The following CC2D2A variants were observed in gnomAD, a reference collection of about 807,000 sequenced individuals.
The protein encoded by CC2D2A is coiled-coil and C2 domain containing 2A.
In CC2D2A, 155 loss-of-function variants were observed where a neutral mutation model predicts 212.9. The ratio of observed to expected loss-of-function variants is 0.73; its 90% CI spans 0.64 to 0.83. The LOEUF (loss-of-function observed/expected upper bound fraction) is 0.83. Among genes scored for constraint, CC2D2A ranks in the 40% least tolerant of loss-of-function variants. The pLI is 0.00. For missense variants in CC2D2A, 1,856 were observed against 1,956.2 expected (o/e 0.95, Z 0.97); for synonymous variants, 667 against 686.5 (o/e 0.97, Z 0.44).
chr4:15,584,350 A>C (rs1174969340), intron 30 of CC2D2A, among the ~76,000 whole-genome samples: 1 of 152,206 alleles, frequency 6.6e-6, no homozygotes, highest in South Asian at 2.1e-4. Flanking sequence ...AAGTCCATGC[A>C]TTTACAGCCA....
intron 11 of CC2D2A, among the ~76,000 whole-genome samples, chr4:15,521,310 T>A (rs996634224): frequency 4.6e-5 from 7 of 152,224 alleles, no homozygotes; most frequent in Non-Finnish European, 1.0e-4. Context: ...CAGTCTTTTT[T>A]AAAAATGTAA....
rs1019787864 is a variant in CC2D2A at position 15,601,503 on chromosome 4, T to A, written c.*78T>A. ...AAAATTTTAAATTATATGCATCACATCAGAAGAACATATTATTGGCAAATA... is the reference window on the plus strand; with the variant it reads ...AAAATTTTAAATTATATGCATCACAACAGAAGAACATATTATTGGCAAATA... On this transcript the variant is annotated 3_prime_UTR_variant, in exon 37 of 37. Transcript: ENST00000424120. The A allele has an allele frequency of 1.8e-5, 15 of 831,174 alleles. No homozygotes were observed. Among genetic ancestry groups the A allele is most frequent in the Non-Finnish European group, 2.0e-5 (11 of 562,560 alleles). 51.5% of individuals were successfully genotyped at this position (831,174 alleles called of 1,614,324 possible). A position where few individuals can be genotyped will look rare whatever the true frequency, so the allele number is the denominator to read the frequency against.
intron 11 of CC2D2A, among the ~76,000 whole-genome samples, chr4:15,525,101 T>C (rs1006258734): frequency 6.6e-5 from 10 of 152,200 alleles, no homozygotes; most frequent in African/African-American, 2.2e-4. Context: ...GAGCTGAGTC[T>C]AAGGCAGAGA....
chr4:15,562,553 T>C (rs1266926065), intron 23 of CC2D2A, among the ~76,000 whole-genome samples: 1 of 152,174 alleles, frequency 6.6e-6, no homozygotes, highest in Non-Finnish European at 1.5e-5. Flanking sequence ...CTCCTCCCTA[T>C]ACCTCCTCCT....
intron 4 of CC2D2A, among the ~76,000 whole-genome samples, chr4:15,497,845 G>A (rs1028339094): frequency 2.1e-5 from 3 of 141,930 alleles, no homozygotes. Flanking sequence ...TTAAAAGCAG[G>A]ATCTTTGTGG....
At chr4:15,479,307 G>T in intron 3 of CC2D2A, 2 of 1,537,060 alleles carry the variant, frequency 1.3e-6, no homozygotes, top group Non-Finnish European at 1.7e-6. Flanking sequence ...GGAGCATCCC[G>T]TGCAGGGTAA....
chr4:15,517,786 AG>A (rs1391553321), intron 11 of CC2D2A, among the ~76,000 whole-genome samples: 1 of 152,192 alleles, frequency 6.6e-6, no homozygotes, highest in Non-Finnish European at 1.5e-5. Flanking sequence ...CAAAAAAAAG[AG>A]GTTTAATGGA....
chr4:15,584,018 TAAATG>T (rs1261074241), intron 30 of CC2D2A, among the ~76,000 whole-genome samples: 1 of 146,240 alleles, frequency 6.8e-6, no homozygotes, highest in African/African-American at 2.5e-5. Flanking sequence ...AAGGCACAAA[TAAATG>T]GAAAGATATC....
chr4:15,514,746 T>C lies in CC2D2A; in HGVS notation c.757T>C (p.Phe253Leu). ...ELLNGDDAED[F>L]LLGLDHVADD... ...GCTTAATGGTGATGATGCCGAGGAC[T>C]TCCTATTGGGCTTAGATCACGTGGC... Residue 253 changes from phenylalanine (F) to leucine (L), a missense_variant, in exon 9 of 37, where the codon TTC (phenylalanine) becomes CTC (leucine). Phe to Leu is a conservative substitution (Grantham distance 22, BLOSUM62 0). This residue lies in a region of CC2D2A where 1,512 missense variants were observed against 1,579.3 expected (regional missense o/e 0.96). Transcript: ENST00000424120. 2 of 1,606,820 alleles carry C rather than the reference T, an allele frequency of 1.2e-6. No individual in the cohort carries two copies. Among genetic ancestry groups the C allele is most frequent in the Non-Finnish European group, 1.7e-6 (2 of 1,174,654 alleles).
Position 15,601,468 on chromosome 4 carries a change from A to G in CC2D2A, c.*43A>G. 1 of 1,255,940 alleles carries G rather than the reference A, an allele frequency of 8.0e-7. No individual in the cohort carries two copies. Among genetic ancestry groups the G allele is most frequent in the South Asian group, 2.0e-5 (1 of 49,312 alleles). The allele number at this position is 1,255,940 out of a possible 1,614,324, so 77.8% of individuals were successfully genotyped here. A position where few individuals can be genotyped will look rare whatever the true frequency, so the allele number is the denominator to read the frequency against. ...TCTGTATCATGTAAAAACTACACTT[A>G]GGATATGAGAAAATTTTAAATTATA... is the stretch of plus-strand genomic sequence containing the variant. On this transcript the variant is annotated 3_prime_UTR_variant, in exon 37 of 37. Coordinates refer to ENST00000424120, the MANE Select transcript of CC2D2A (RefSeq NM_001378615.1).
chr4:15,587,483 G>C lies in CC2D2A; in HGVS notation c.4066-333G>C, dbSNP rs551127977. On this transcript the variant is annotated intron_variant, in intron 31 of 36. Transcript: ENST00000424120. Reference sequence around the variant, plus strand: ...TGTTCTAGAATTAAGTAAGTTTAATGAAGTAATGTGCTTTAAAGATCGTTT... The same window carrying C: ...TGTTCTAGAATTAAGTAAGTTTAATCAAGTAATGTGCTTTAAAGATCGTTT... Among the ~76,000 whole-genome samples, 20 of 152,238 alleles carry C rather than the reference G, an allele frequency of 1.3e-4. No individual in the cohort carries two copies. The South Asian group carries it at 4.2e-3, about 32-fold the overall frequency.
intron 17 of CC2D2A, among the ~76,000 whole-genome samples, chr4:15,548,648 A>G (rs1718834073): frequency 6.6e-6 from 1 of 152,138 alleles, no homozygotes; most frequent in South Asian, 2.1e-4. Flanking sequence ...AAAAGACTTC[A>G]TGCCAATGAG....
chr4:15,596,759 A>AT (rs1257823235), intron 34 of CC2D2A, among the ~76,000 whole-genome samples: 1 of 152,216 alleles, frequency 6.6e-6, no homozygotes, highest in Non-Finnish European at 1.5e-5. Context: ...AAATTCTCCC[A>AT]TATGTGTATA....
intron 3 of CC2D2A, 107 bp downstream of exon 3, chr4:15,478,913 A>T (rs1259125166): frequency 9.1e-6 from 9 of 994,138 alleles, no homozygotes; most frequent in Non-Finnish European, 1.1e-5. Context: ...TTCTTTTGGT[A>T]CCAACTTTTG....
intron 2 of CC2D2A, 58 bp downstream of exon 2, chr4:15,476,029 C>A: frequency 6.8e-7 from 1 of 1,474,712 alleles, no homozygotes; most frequent in Admixed American, 2.0e-5. Flanking sequence ...GCTTATGTTA[C>A]ACGTGTTTGT....
At chr4:15,578,796 G>GTTTTT (rs1248017599) in intron 29 of CC2D2A, among the ~76,000 whole-genome samples, 1 of 106,200 alleles carries the variant, frequency 9.4e-6, no homozygotes, top group African/African-American at 3.5e-5. Context: ...TGGTTTGTTT[G>GTTTTT]TTTGTTTGTT....
chr4:15,525,226 T>G (rs1348045551), intron 11 of CC2D2A, among the ~76,000 whole-genome samples: 1 of 152,172 alleles, frequency 6.6e-6, no homozygotes, highest in Non-Finnish European at 1.5e-5. Flanking sequence ...CGTTATTTAC[T>G]CATACCAAGA....
At chr4:15,524,257 C>T (rs1202503626) in intron 11 of CC2D2A, among the ~76,000 whole-genome samples, 2 of 151,448 alleles carry the variant, frequency 1.3e-5, no homozygotes, top group South Asian at 2.1e-4. Flanking sequence ...CTCAACCTCC[C>T]GAGTAGCTGG....
chr4:15,584,992 G>A (rs890683082), intron 30 of CC2D2A, among the ~76,000 whole-genome samples: 2 of 152,074 alleles, frequency 1.3e-5, no homozygotes, highest in African/African-American at 4.8e-5. Context: ...GACAAAAAAT[G>A]ACAAATGCTG....
Sources: gnomAD v4.1 joint callset for allele counts (sites outside exome capture counted in the v4.1 genomes callset) on GRCh38, gnomAD v4.1.1 for gene constraint, gnomAD v4.1.1 regional missense constraint, MANE v1.5 for transcripts, NCBI Gene and HGNC (gene_info 2026-07-23, HGNC 2026-07-21) for gene names.